Variants in PLD1 observed in about 807,000 individuals in gnomAD.
The protein encoded by PLD1 is choline phosphatase 1.
A neutral mutation model predicts 137.1 loss-of-function variants in PLD1; 112 were observed. The ratio of observed to expected loss-of-function variants is 0.82; its 90% CI spans 0.70 to 0.96. The LOEUF (loss-of-function observed/expected upper bound fraction) is 0.96, where lower values mean the gene tolerates loss of function less well. Among genes scored for constraint, PLD1 ranks in the 40% least tolerant of loss-of-function variants. The pLI, the probability that PLD1 is intolerant of heterozygous loss-of-function variation, is 0.00. For missense variants in PLD1, 1,321 were observed against 1,342.0 expected (o/e 0.98, Z 0.24); for synonymous variants, 431 against 454.7 (o/e 0.95, Z 0.66).
intron 8 of PLD1, among the ~76,000 whole-genome samples, chr3:171,716,404 ATTTG>A (rs917034034): frequency 4.6e-5 from 7 of 152,002 alleles, no homozygotes; most frequent in African/African-American, 1.7e-4. Context: ...GCATCTGTTT[ATTTG>A]TTTGTTTGTT....
intron 16 of PLD1, among the ~76,000 whole-genome samples, chr3:171,680,498 T>C (rs1578257505): frequency 6.6e-6 from 1 of 151,994 alleles, no homozygotes; most frequent in Non-Finnish European, 1.5e-5. Flanking sequence ...CCTCCCAAAG[T>C]GCTGGGATTA....
At chr3:171,782,118 G>C (rs1232294843) in intron 1 of PLD1, among the ~76,000 whole-genome samples, 1 of 152,210 alleles carries the variant, frequency 6.6e-6, no homozygotes, top group East Asian at 1.9e-4. Flanking sequence ...CTGAGTGAAA[G>C]AAGCCTTACA....
intron 9 of PLD1, among the ~76,000 whole-genome samples, chr3:171,712,828 G>C (rs931489207): frequency 6.6e-6 from 1 of 152,166 alleles, no homozygotes; most frequent in Non-Finnish European, 1.5e-5. Context: ...CAGGAGGAAG[G>C]TGTAATGGCA....
At chr3:171,651,470 C>G (rs1253346685) in intron 21 of PLD1, among the ~76,000 whole-genome samples, 1 of 152,016 alleles carries the variant, frequency 6.6e-6, no homozygotes, top group Non-Finnish European at 1.5e-5. Context: ...AGGAGAAGAT[C>G]CTTCTGGGCT....
chr3:171,626,878 G>A (rs1448372023), intron 23 of PLD1, among the ~76,000 whole-genome samples: 1 of 152,218 alleles, frequency 6.6e-6, no homozygotes, highest in Non-Finnish European at 1.5e-5. Context: ...GGAACAGCTG[G>A]TACCAGCCAC....
intron 1 of PLD1, among the ~76,000 whole-genome samples, chr3:171,779,789 T>G (rs114603852): frequency 0.014 from 2,156 of 152,178 alleles, 36 homozygotes; most frequent in Non-Finnish European, 0.017. Context: ...GGACTGGAAT[T>G]TGTATACATA....
At chr3:171,752,915 T>TG (rs1424161323) in intron 1 of PLD1, among the ~76,000 whole-genome samples, 1 of 152,204 alleles carries the variant, frequency 6.6e-6, no homozygotes, top group Non-Finnish European at 1.5e-5. Flanking sequence ...GCACACATGA[T>TG]GATCTAGGCA....
intron 19 of PLD1, among the ~76,000 whole-genome samples, chr3:171,663,232 T>G (rs13320926): frequency 6.6e-6 from 1 of 152,182 alleles, no homozygotes; most frequent in East Asian, 1.9e-4. Flanking sequence ...ATCGCTCACA[T>G]TGCCTCGCTC....
Position 171,735,507 on chromosome 3 carries a change from G to T in PLD1, c.419C>A (p.Pro140His). ...AAATGGTTACCTTCTAGTGGGAATG[G>T]GGATGCGGATAAAGGCTTTGTACTT... ...LLKYKAFIRI[P>H]IPTRRHTFRR... Residue 140 changes from proline to histidine, a missense_variant, in exon 4 of 27, where the codon CCC becomes CAC. By Grantham distance (77) the Pro-to-His change is moderately conservative. Transcript: ENST00000351298. 1 of 1,613,432 alleles carries T rather than the reference G, an allele frequency of 6.2e-7. No individual in the cohort carries two copies. Among genetic ancestry groups the T allele is most frequent in the Non-Finnish European group, 8.5e-7 (1 of 1,179,412 alleles).
At chr3:171,660,061 T>C (rs1006361758) in intron 20 of PLD1, among the ~76,000 whole-genome samples, 3 of 152,242 alleles carry the variant, frequency 2.0e-5, no homozygotes, top group African/African-American at 7.2e-5. Context: ...ACTAATGTTA[T>C]GTGTTCAAAT....
intron 1 of PLD1, among the ~76,000 whole-genome samples, chr3:171,781,410 C>A (rs1473769688): frequency 1.3e-5 from 2 of 150,986 alleles, no homozygotes; most frequent in Non-Finnish European, 3.0e-5. Flanking sequence ...GAAAAAAAAA[C>A]AGACTTAGCC....
intron 6 of PLD1, among the ~76,000 whole-genome samples, chr3:171,732,624 C>T (rs982900082): frequency 3.9e-5 from 6 of 152,286 alleles, no homozygotes; most frequent in East Asian, 1.9e-4. Context: ...TCTAAACTAG[C>T]GGACAAATCA....
chr3:171,742,453 T>C (rs547602852), intron 1 of PLD1, among the ~76,000 whole-genome samples: 1 of 151,412 alleles, frequency 6.6e-6, no homozygotes, highest in East Asian at 1.9e-4. Context: ...ATAGTTACGA[T>C]TTACTTATTG....
intron 19 of PLD1, among the ~76,000 whole-genome samples, chr3:171,666,723 A>G (rs971267885): frequency 1.3e-5 from 2 of 152,266 alleles, no homozygotes; most frequent in Non-Finnish European, 2.9e-5. Flanking sequence ...GCAAAAATAT[A>G]GCTTATCTTA....
chr3:171,625,034 CA>C (rs1733965947), intron 23 of PLD1, among the ~76,000 whole-genome samples: 1 of 151,518 alleles, frequency 6.6e-6, no homozygotes, highest in South Asian at 2.1e-4. Flanking sequence ...ATAGTTCATG[CA>C]TTCAAAAAAA....
At chr3:171,783,382 A>G (rs984857878) in intron 1 of PLD1, among the ~76,000 whole-genome samples, 80 of 152,122 alleles carry the variant, frequency 5.3e-4, no homozygotes, top group African/African-American at 1.9e-3. Flanking sequence ...AAGAGGAGAG[A>G]GGCAAGTAGA....
At chr3:171,670,786 T>C (rs374891609) in intron 19 of PLD1, among the ~76,000 whole-genome samples, 1 of 152,230 alleles carries the variant, frequency 6.6e-6, no homozygotes, top group African/African-American at 2.4e-5. Context: ...AGTTTAATGA[T>C]CAAGGTAAAA....
intron 5 of PLD1, among the ~76,000 whole-genome samples, chr3:171,734,486 A>G (rs1719196113): frequency 6.6e-6 from 1 of 152,210 alleles, no homozygotes; most frequent in South Asian, 2.1e-4. Flanking sequence ...GAGATTTTAC[A>G]TATATTTAAG....
intron 1 of PLD1, among the ~76,000 whole-genome samples, chr3:171,796,969 A>G (rs150003067): frequency 1.2e-3 from 190 of 152,318 alleles, no homozygotes; most frequent in African/African-American, 4.4e-3. Flanking sequence ...CTTCTTAAGC[A>G]TAGCTCTGAT....
Sources: gnomAD v4.1 joint callset for allele counts (sites outside exome capture counted in the v4.1 genomes callset) on GRCh38, gnomAD v4.1.1 for gene constraint, MANE v1.5 for transcripts, NCBI Gene and HGNC (gene_info 2026-07-23, HGNC 2026-07-21) for gene names.